Variants in PDE4D observed in about 807,000 individuals in gnomAD.
PDE4D encodes phosphodiesterase 4D, also known as 3',5'-cyclic-AMP phosphodiesterase 4D.
PDE4D carries 24 observed loss-of-function variants against 87.4 expected under a neutral mutation model. The observed-to-expected ratio is 0.27, with a 90% CI of 0.20 to 0.39. The LOEUF (loss-of-function observed/expected upper bound fraction) is 0.39, where lower values mean the gene tolerates loss of function less well. Ranked by LOEUF, PDE4D falls within the 10% of genes least tolerant of loss-of-function variation. The pLI, the probability that PDE4D is intolerant of heterozygous loss-of-function variation, is 1.00. For missense variants in PDE4D, 714 were observed against 1,041.0 expected (o/e 0.69, Z 4.32); for synonymous variants, 384 against 383.2 (o/e 1.00, Z -0.02).
chr5:59,937,515 G>A (rs1420692956), intron 3 of PDE4D, among the ~76,000 whole-genome samples: 1 of 152,122 alleles, frequency 6.6e-6, no homozygotes, highest in East Asian at 1.9e-4. Context: ...GTCAGGTTCT[G>A]GTGAAGACTC....
chr5:59,610,254 T>C (rs1253512204), intron 1 of PDE4D, among the ~76,000 whole-genome samples: 1 of 152,188 alleles, frequency 6.6e-6, no homozygotes, highest in Non-Finnish European at 1.5e-5. Flanking sequence ...TGTGAGTTAC[T>C]GAGGTTTATG....
In PDE4D at chr5:59,125,587, C is replaced by A. The variant is rs567575804; in HGVS notation, c.808+55008G>T. Among the ~76,000 whole-genome samples the A allele has an allele frequency of 4.2e-4, 64 of 152,180 alleles. 1 individual carries two copies. Among genetic ancestry groups the A allele is most frequent in the Middle Eastern group, 6.8e-3 (2 of 294 alleles). On this transcript the variant is annotated intron_variant, in intron 5 of 14. Transcript: ENST00000340635. ...CAATCAATTAAGGCCTGGGAAGATTCCAGGCAAGAGGAAGGGATATCTTGG... is the reference window on the plus strand; with the variant it reads ...CAATCAATTAAGGCCTGGGAAGATTACAGGCAAGAGGAAGGGATATCTTGG...
chr5:59,253,576 T>G (rs933846807), intron 1 of PDE4D, among the ~76,000 whole-genome samples: 9 of 152,100 alleles, frequency 5.9e-5, no homozygotes, highest in African/African-American at 2.2e-4. Context: ...CATTAATGAT[T>G]TTACTCCTCT....
At chr5:59,530,654 TACGAAAGGCCTACTGTACTTGG>T (rs1299381348) in intron 1 of PDE4D, among the ~76,000 whole-genome samples, 1 of 152,136 alleles carries the variant, frequency 6.6e-6, no homozygotes, top group African/African-American at 2.4e-5. Flanking sequence ...AACCCATGGA[TACGAAAGGCCTACTGTACTTGG>T]AAGTATCAAT....
chr5:60,224,288 T>A (rs918977668), intron 1 of PDE4D, among the ~76,000 whole-genome samples: 3 of 152,126 alleles, frequency 2.0e-5, no homozygotes, highest in African/African-American at 7.2e-5. Flanking sequence ...ACTCTGTCTA[T>A]TGCAGCCCTC....
intron 1 of PDE4D, among the ~76,000 whole-genome samples, chr5:59,351,475 C>T (rs976691682): frequency 6.6e-6 from 1 of 152,142 alleles, no homozygotes; most frequent in Non-Finnish European, 1.5e-5. Flanking sequence ...AATAAATAGA[C>T]ATGACACAGG....
chr5:59,932,746 G>A (rs1455493293), intron 3 of PDE4D, among the ~76,000 whole-genome samples: 2 of 151,980 alleles, frequency 1.3e-5, no homozygotes, highest in African/African-American at 2.4e-5. Flanking sequence ...ATACCAAATC[G>A]ATTCTACACT....
chr5:59,384,924 T>C lies in PDE4D; in HGVS notation c.456-168956A>G, dbSNP rs540948979. On this transcript the variant is annotated intron_variant, in intron 1 of 14. Coordinates refer to ENST00000340635, the MANE Select transcript of PDE4D (RefSeq NM_001104631.2). ...TTAACAATCACTGTTTACATATTTTTACTATATATAAATCTTATTTACTAT... is the reference window on the plus strand; with the variant it reads ...TTAACAATCACTGTTTACATATTTTCACTATATATAAATCTTATTTACTAT... Among the ~76,000 whole-genome samples, 5 of 152,250 alleles carry C rather than the reference T, an allele frequency of 3.3e-5. No individual in the cohort carries two copies. In the South Asian group the frequency reaches 1.0e-3, roughly 32 times the overall value.
chr5:60,089,394 G>C (rs956592448), intron 2 of PDE4D, among the ~76,000 whole-genome samples: 3 of 151,882 alleles, frequency 2.0e-5, no homozygotes, highest in Non-Finnish European at 4.4e-5. Flanking sequence ...AGGAACATTG[G>C]AAACTGTACA....
chr5:58,976,376 G>A lies in PDE4D; in HGVS notation c.1804C>T (p.Leu602Phe), dbSNP rs761294824. 16 of 1,610,454 alleles carry A rather than the reference G, an allele frequency of 9.9e-6. No homozygotes were observed. The highest frequency in any genetic ancestry group is 5.6e-5 in the South Asian group (5 of 89,978). ...TGAATCCTATCGGAATAATTATCAA[G>A]AAGAAGAACTCCAGAGCTTGTCACT... ...KKVTSSGVLL[L>F]DNYSDRIQVL... Residue 602 changes from leucine to phenylalanine, a missense_variant, in exon 13 of 15, where the codon CTT becomes TTT. Around this residue, in one of 7 missense-constraint regions of PDE4D, gnomAD observed 97 missense variants for 176.9 expected, o/e 0.55. Transcript: ENST00000340635.
chr5:59,602,644 T>C (rs888885380), intron 1 of PDE4D, among the ~76,000 whole-genome samples: 2 of 151,934 alleles, frequency 1.3e-5, no homozygotes, highest in African/African-American at 4.8e-5. Context: ...ATAAGCCCTA[T>C]CAAAATTCCA....
intron 2 of PDE4D, among the ~76,000 whole-genome samples, chr5:60,073,492 G>GT (rs70975364): frequency 0.34 from 48,475 of 141,820 alleles, 8,466 homozygotes; most frequent in East Asian, 0.75. Flanking sequence ...TTTGCCAGGT[G>GT]TTTTTTTTTT....
rs1035314188 is a variant in PDE4D, at chr5:59,997,713, T to C, written c.43-8996A>G. Among the ~76,000 whole-genome samples the C allele has an allele frequency of 3.3e-5, 5 of 152,334 alleles. No homozygotes were observed. The East Asian group carries it at 5.8e-4, about 18-fold the overall frequency. The stretch of plus-strand genomic sequence containing the variant: ...AAACTATGGATCAAAAGAATGTTTA[T>C]ATTAAACTTATATTTAACATTATAG... On this transcript the variant is annotated intron_variant, in intron 2 of 16. Transcript: ENST00000502484.
At chr5:60,054,366 T>C (rs999834105) in intron 2 of PDE4D, among the ~76,000 whole-genome samples, 6 of 152,070 alleles carry the variant, frequency 3.9e-5, no homozygotes, top group African/African-American at 1.2e-4. Context: ...AAAGGATGAG[T>C]TCATGTCCTT....
chr5:59,142,153 C>A (rs7716261), intron 5 of PDE4D, among the ~76,000 whole-genome samples: 41,740 of 152,086 alleles, frequency 0.27, 6,450 homozygotes, highest in African/African-American at 0.41. Context: ...ATGAAATTAG[C>A]AGGCAATAGA....
At chr5:59,416,464 C>T (rs1389066382) in intron 1 of PDE4D, among the ~76,000 whole-genome samples, 2 of 152,008 alleles carry the variant, frequency 1.3e-5, no homozygotes, top group Non-Finnish European at 2.9e-5. Flanking sequence ...GAACTGTTGA[C>T]AATAATCCAG....
chr5:60,292,969 A>G (rs1298364944), intron 1 of PDE4D, among the ~76,000 whole-genome samples: 2 of 152,072 alleles, frequency 1.3e-5, no homozygotes, highest in Non-Finnish European at 2.9e-5. Context: ...GGAGAACTCT[A>G]AAGTTTCCTT....
intron 1 of PDE4D, among the ~76,000 whole-genome samples, chr5:59,217,557 G>T (rs1423248003): frequency 6.6e-6 from 1 of 152,096 alleles, no homozygotes; most frequent in African/African-American, 2.4e-5. Context: ...AATTTTCTTA[G>T]AATTGTGTCT....
At chr5:59,833,766 C>A (rs1022770779) in intron 1 of PDE4D, among the ~76,000 whole-genome samples, 1 of 151,820 alleles carries the variant, frequency 6.6e-6, no homozygotes, top group South Asian at 2.1e-4. Context: ...CCTGAAAAAT[C>A]GCTTACAGGA....
Sources: gnomAD v4.1 joint callset for allele counts (sites outside exome capture counted in the v4.1 genomes callset) on GRCh38, gnomAD v4.1.1 for gene constraint, gnomAD v4.1.1 regional missense constraint, MANE v1.5 for transcripts, NCBI Gene and HGNC (gene_info 2026-07-23, HGNC 2026-07-21) for gene names.